The following AGMO variants were observed in gnomAD, a reference collection of about 807,000 sequenced individuals.
The protein encoded by AGMO is alkylglycerol monooxygenase.
A neutral mutation model predicts 60.2 loss-of-function variants in AGMO; 75 were observed. That is an observed-to-expected ratio of 1.25 (90% CI 1.03 to 1.51). The LOEUF (loss-of-function observed/expected upper bound fraction) is 1.51, where lower values mean the gene tolerates loss of function less well. Ranked by LOEUF, AGMO falls within the 40% of genes most tolerant of loss-of-function variation. The pLI is 0.00. For missense variants in AGMO, 763 were observed against 525.5 expected (o/e 1.45, Z -4.42); for synonymous variants, 261 against 177.1 (o/e 1.47, Z -3.76).
Position 15,342,172 on chromosome 7 carries a change from T to TAAAAAAAAAAAAAAAAA in AGMO, c.1263+23325_1263+23341dup, listed in dbSNP as rs775057626. On this transcript the variant is annotated intron_variant, in intron 12 of 12. Coordinates refer to ENST00000342526, the MANE Select transcript of AGMO (RefSeq NM_001004320.2). The stretch of plus-strand genomic sequence containing the variant: ...AGCTGAGAGTAGATACCCACAGAGT[T>TAAAAAAAAAAAAAAAAA]AAAAAAAAAAAAAAAAAAAAAAAAG... Among the ~76,000 whole-genome samples, 94 of 54,286 alleles carry TAAAAAAAAAAAAAAAAA rather than the reference T, an allele frequency of 1.7e-3. 12 individuals are homozygous for TAAAAAAAAAAAAAAAAA. The highest frequency in any genetic ancestry group is 4.9e-3 in the African/African-American group (53 of 10,738). 35.6% of individuals were successfully genotyped at this position (54,286 alleles called of 152,430 possible).
At chr7:15,137,861 G>A in the AGMO span, among the ~76,000 whole-genome samples, 2 of 151,974 alleles carry the variant, frequency 1.3e-5, no homozygotes, top group Non-Finnish European at 2.9e-5. Context: ...AGAGGGTGGA[G>A]ATGAGGAAAC....
the AGMO span, among the ~76,000 whole-genome samples, chr7:15,129,739 T>C: frequency 6.6e-6 from 1 of 152,124 alleles, no homozygotes; most frequent in African/African-American, 2.4e-5. Context: ...TTTGGAAGCA[T>C]CTGGTGGAGA....
chr7:15,259,845 G>A (rs1783213975), intron 12 of AGMO, among the ~76,000 whole-genome samples: 1 of 110,814 alleles, frequency 9.0e-6, no homozygotes. Flanking sequence ...GTCTTTTCCA[G>A]ACAAACAAAC....
the AGMO span, among the ~76,000 whole-genome samples, chr7:15,160,726 T>C: frequency 6.6e-6 from 1 of 152,180 alleles, no homozygotes; most frequent in Admixed American, 6.5e-5. Flanking sequence ...GTTAATTTCA[T>C]GTGTCAAATA....
At chr7:15,523,912 T>A (rs1217393762) in intron 3 of AGMO, among the ~76,000 whole-genome samples, 2 of 152,144 alleles carry the variant, frequency 1.3e-5, no homozygotes, top group Non-Finnish European at 2.9e-5. Context: ...GGTATGGTCA[T>A]AGTAAGGTTG....
intron 12 of AGMO, among the ~76,000 whole-genome samples, chr7:15,302,372 T>C (rs1780470751): frequency 6.6e-6 from 1 of 152,294 alleles, no homozygotes; most frequent in East Asian, 1.9e-4. Context: ...ATATTGGTTA[T>C]GGACTTTTAA....
intron 3 of AGMO, among the ~76,000 whole-genome samples, chr7:15,440,080 A>T (rs181040792): frequency 3.9e-5 from 6 of 152,298 alleles, no homozygotes; most frequent in Admixed American, 3.9e-4. Context: ...TCACTGCAAA[A>T]ACAGAGAAAG....
At chr7:15,256,015 G>T (rs917211376) in intron 12 of AGMO, among the ~76,000 whole-genome samples, 1 of 152,232 alleles carries the variant, frequency 6.6e-6, no homozygotes, top group African/African-American at 2.4e-5. Flanking sequence ...TCAATTCAAT[G>T]CCGTGGTATA....
intron 12 of AGMO, among the ~76,000 whole-genome samples, chr7:15,288,663 A>G (rs971048769): frequency 2.0e-5 from 3 of 151,876 alleles, no homozygotes; most frequent in African/African-American, 7.3e-5. Flanking sequence ...AAAGATTCTG[A>G]TGCAAATTTT....
At chr7:15,129,625 C>G in the AGMO span, among the ~76,000 whole-genome samples, 1 of 152,054 alleles carries the variant, frequency 6.6e-6, no homozygotes, top group African/African-American at 2.4e-5. Flanking sequence ...GGAATACAAA[C>G]AAAGTATTAG....
intron 12 of AGMO, among the ~76,000 whole-genome samples, chr7:15,255,734 T>C (rs1783078017): frequency 6.6e-6 from 1 of 152,158 alleles, no homozygotes; most frequent in Non-Finnish European, 1.5e-5. Flanking sequence ...AAGTTATACA[T>C]TGCATTAACA....
intron 12 of AGMO, among the ~76,000 whole-genome samples, chr7:15,252,140 T>C (rs1782956541): frequency 6.6e-6 from 1 of 152,194 alleles, no homozygotes; most frequent in African/African-American, 2.4e-5. Flanking sequence ...TGTTAACTCA[T>C]TTACCTACAA....
chr7:15,183,961 T>C, the AGMO span, among the ~76,000 whole-genome samples: 4 of 152,204 alleles, frequency 2.6e-5, no homozygotes, highest in Non-Finnish European at 5.9e-5. Context: ...GTGATTGTTA[T>C]TGTTAAGCAA....
At chr7:15,342,895 G>A (rs964983474) in intron 12 of AGMO, among the ~76,000 whole-genome samples, 3 of 150,770 alleles carry the variant, frequency 2.0e-5, no homozygotes, top group South Asian at 2.1e-4. Flanking sequence ...CATTTGAGAA[G>A]TGTGGTTAAT....
intron 12 of AGMO, among the ~76,000 whole-genome samples, chr7:15,219,913 G>T (rs1048967989): frequency 1.3e-5 from 2 of 152,098 alleles, no homozygotes; most frequent in Non-Finnish European, 2.9e-5. Flanking sequence ...CAAGCCAGAT[G>T]GCTTATTACA....
chr7:15,350,887 T>A (rs906780056), intron 12 of AGMO, among the ~76,000 whole-genome samples: 1 of 152,200 alleles, frequency 6.6e-6, no homozygotes, highest in African/African-American at 2.4e-5. Context: ...GAGGCATTAT[T>A]TTGGAGAGAC....
chr7:15,390,216 C>G (rs1269006569), intron 8 of AGMO, among the ~76,000 whole-genome samples: 2 of 152,056 alleles, frequency 1.3e-5, no homozygotes, highest in Non-Finnish European at 2.9e-5. Flanking sequence ...AGGTAATGCA[C>G]AGACTTAACC....
At chr7:15,395,160 T>C (rs1784320225) in intron 5 of AGMO, among the ~76,000 whole-genome samples, 1 of 152,226 alleles carries the variant, frequency 6.6e-6, no homozygotes, top group South Asian at 2.1e-4. Context: ...ACAAAATCAA[T>C]ACACTGTTAT....
intron 5 of AGMO, among the ~76,000 whole-genome samples, chr7:15,414,545 A>G (rs1780704031): frequency 6.6e-6 from 1 of 151,990 alleles, no homozygotes; most frequent in South Asian, 2.1e-4. Flanking sequence ...ACAAGTCAGT[A>G]GAGGATGCCT....
Sources: gnomAD v4.1 joint callset for allele counts (sites outside exome capture counted in the v4.1 genomes callset) on GRCh38, gnomAD v4.1.1 for gene constraint, MANE v1.5 for transcripts, NCBI Gene and HGNC (gene_info 2026-07-23, HGNC 2026-07-21) for gene names.